Variants in DPEP3 observed in about 807,000 individuals in gnomAD.
DPEP3 encodes the protein membrane-bound dipeptidase 3.
Under a neutral mutation model 47.5 loss-of-function variants are expected in DPEP3, and 42 were observed. The observed-to-expected ratio is 0.88, with a 90% CI of 0.69 to 1.14. DPEP3 has a LOEUF of 1.14. Among genes scored for constraint, DPEP3 ranks in the 50% most tolerant of loss-of-function variants. The probability of loss-of-function intolerance (pLI) is 0.00; values close to 1 mark genes in which losing one functional copy is unlikely to be tolerated. For synonymous variants in DPEP3, 276 were observed against 270.2 expected (o/e 1.02, Z -0.21); for missense variants, 560 against 635.0 (o/e 0.88, Z 1.27).
At chr16:67,977,206 C>T (rs1256523494) in intron 7 of DPEP3, 64 bp downstream of exon 7, 15 of 1,466,650 alleles carry the variant, frequency 1.0e-5, no homozygotes, top group Admixed American at 5.3e-5. Flanking sequence ...CTGCTAGAGT[C>T]GTCCTGAGGG....
Sources: allele counts gnomAD v4.1 joint callset, GRCh38; gene constraint gnomAD v4.1.1; transcripts MANE v1.5; gene names NCBI Gene and HGNC (gene_info 2026-07-23, HGNC 2026-07-21).